Variants in SEC14L1 observed in about 807,000 individuals in gnomAD.
SEC14L1 encodes the protein SEC14-like protein 1.
A neutral mutation model predicts 85.3 loss-of-function variants in SEC14L1; 48 were observed. That is an observed-to-expected ratio of 0.56 (90% CI 0.45 to 0.72). The LOEUF (loss-of-function observed/expected upper bound fraction) is 0.72, where lower values mean the gene tolerates loss of function less well. SEC14L1 is among the 30% of genes least tolerant of loss of function. The probability of loss-of-function intolerance (pLI) is 0.00; values close to 1 mark genes in which losing one functional copy is unlikely to be tolerated. For synonymous variants in SEC14L1, 391 were observed against 355.5 expected, an observed-to-expected ratio of 1.10 and a Z score of -1.12; for missense variants, 682 against 921.4, an observed-to-expected ratio of 0.74 and a Z score of 3.36.
chr17:77,146,667 A>G (rs1973324726), intron 3 of SEC14L1, among the ~76,000 whole-genome samples: 1 of 150,642 alleles, frequency 6.6e-6, no homozygotes, highest in Middle Eastern at 3.2e-3. Flanking sequence ...TTGCCTCACC[A>G]GCTTCAGGAA....
intron 3 of SEC14L1, among the ~76,000 whole-genome samples, chr17:77,127,596 T>C (rs1050316094): frequency 2.0e-5 from 3 of 152,158 alleles, no homozygotes; most frequent in Admixed American, 6.5e-5. Context: ...GTAATCCACC[T>C]GCCTCAGCCT....
chr17:77,206,915 G>A lies in SEC14L1; in HGVS notation c.1476+53G>A. The A allele has an allele frequency of 2.8e-6, 4 of 1,438,976 alleles. No homozygotes were observed. The highest frequency in any genetic ancestry group is 3.2e-5 in the South Asian group (2 of 62,854). The allele number at this position is 1,438,976 out of a possible 1,614,324, so 89.1% of individuals were successfully genotyped here. A position where few individuals can be genotyped will look rare whatever the true frequency, so the allele number is the denominator to read the frequency against. On this transcript the variant is annotated intron_variant, in intron 13 of 16. Coordinates refer to ENST00000436233, the MANE Select transcript of SEC14L1 (RefSeq NM_001143998.2). The surrounding 1 kb of genome is among the most constrained non-coding windows in gnomAD (Gnocchi z 4.3). ...TTTGGCCCCTTATGCAGGTGGGAGA[G>A]GTCGGTGTCGATTTGCACAAATGAT... is the stretch of plus-strand genomic sequence containing the variant.
intron 3 of SEC14L1, among the ~76,000 whole-genome samples, chr17:77,132,842 C>G (rs1288381247): frequency 6.7e-6 from 1 of 148,370 alleles, no homozygotes; most frequent in Non-Finnish European, 1.5e-5. Context: ...AAACTATACC[C>G]CAATCCTCCT....
At chr17:77,095,128 G>A (rs1042541680) in intron 3 of SEC14L1, 1 of 152,234 alleles carries the variant, frequency 6.6e-6, no homozygotes, top group African/African-American at 2.4e-5. Context: ...TCCTCGAGGA[G>A]TTGGTTCAAT....
intron 3 of SEC14L1, among the ~76,000 whole-genome samples, chr17:77,187,327 T>C (rs1475718923): frequency 2.0e-5 from 3 of 152,070 alleles, no homozygotes; most frequent in African/African-American, 7.2e-5. Context: ...CTGGGTTTCC[T>C]TTTTCAGGTT....
rs1208867619 is a variant in SEC14L1 at position 77,196,296 on chromosome 17, G to C, written c.804G>C (p.Glu268Asp). ...TTAGACTTCGCCAGTGGCTCCAGGAGACCCACAAGGGCAAAGTGAGTGTCA... is the reference window on the plus strand; with the variant it reads ...TTAGACTTCGCCAGTGGCTCCAGGACACCCACAAGGGCAAAGTGAGTGTCA... Reference protein sequence around the residue: ...CLIRLRQWLQETHKGKIPKDE... With the variant: ...CLIRLRQWLQDTHKGKIPKDE... Residue 268 changes from glutamate to aspartate, a missense_variant, in exon 8 of 17, where the codon GAG becomes GAC. Physicochemically the swap from Glu to Asp is conservative, Grantham distance 45 (BLOSUM62 2). Coordinates refer to ENST00000436233, the MANE Select transcript of SEC14L1 (RefSeq NM_001143998.2). 5 of 1,612,590 alleles carry C rather than the reference G, an allele frequency of 3.1e-6. No homozygotes were observed.
intron 3 of SEC14L1, among the ~76,000 whole-genome samples, chr17:77,106,627 C>T (rs1971921194): frequency 6.6e-6 from 1 of 151,754 alleles, no homozygotes; most frequent in Non-Finnish European, 1.5e-5. Context: ...ATAGTGAAAG[C>T]CCATCTCTAC....
In SEC14L1 at chr17:77,143,751, C is replaced by T. The variant is rs2143518961; in HGVS notation, c.63+92C>T. The T allele has an allele frequency of 4.4e-6, 4 of 903,354 alleles. No individual in the cohort carries two copies. In the South Asian group the frequency reaches 6.0e-5, roughly 14 times the overall value. The allele number at this position is 903,354 out of a possible 1,614,324, so 56.0% of individuals were successfully genotyped here. A position where few individuals can be genotyped will look rare whatever the true frequency, so the allele number is the denominator to read the frequency against. ...TGATCTATAGATTTATTGTTCGTCTCCATGGCATCACTTGAACTTACTCTG... is the reference window on the plus strand; with the variant it reads ...TGATCTATAGATTTATTGTTCGTCTTCATGGCATCACTTGAACTTACTCTG... On this transcript the variant is annotated intron_variant, in intron 3 of 16. Transcript: ENST00000436233.
intron 8 of SEC14L1, among the ~76,000 whole-genome samples, chr17:77,199,713 G>A (rs1016147104): frequency 6.6e-6 from 1 of 152,092 alleles, no homozygotes; most frequent in Non-Finnish European, 1.5e-5. Context: ...TGATGTTTAG[G>A]GAATTATTTA....
intron 3 of SEC14L1, among the ~76,000 whole-genome samples, chr17:77,172,254 A>AG (rs1491513022): frequency 6.6e-6 from 1 of 152,184 alleles, no homozygotes; most frequent in African/African-American, 2.4e-5. Context: ...GGTAAAAAAA[A>AG]GAGTGGAGCC....
intron 3 of SEC14L1, among the ~76,000 whole-genome samples, chr17:77,102,962 C>T (rs931077399): frequency 5.9e-5 from 9 of 152,006 alleles, no homozygotes; most frequent in Admixed American, 1.3e-4. Context: ...TGCCACCATG[C>T]CTGGCTAATT....
intron 3 of SEC14L1, among the ~76,000 whole-genome samples, chr17:77,149,138 C>T (rs1267322249): frequency 6.6e-6 from 1 of 152,188 alleles, no homozygotes; most frequent in East Asian, 1.9e-4. Context: ...TCTCCCTTCC[C>T]CGGGACACAT....
intron 4 of SEC14L1, 103 bp from the exon 5 acceptor site, chr17:77,191,078 C>T (rs1339530912): frequency 6.6e-6 from 10 of 1,508,450 alleles, no homozygotes; most frequent in African/African-American, 4.1e-5. Flanking sequence ...AGGGAGAGGG[C>T]GTCCTGGAGG....
intron 5 of SEC14L1, among the ~76,000 whole-genome samples, chr17:77,193,041 C>T (rs1450506954): frequency 6.6e-6 from 1 of 152,194 alleles, no homozygotes; most frequent in Non-Finnish European, 1.5e-5. Context: ...TCCTTGCATA[C>T]TGTGTTTCTG....
At chr17:77,209,712 G>T (rs1976652510) in intron 14 of SEC14L1, 1 of 400,678 alleles carries the variant, frequency 2.5e-6, no homozygotes, top group African/African-American at 2.0e-5. Flanking sequence ...AAGGAAATTG[G>T]ATCTCTTGAC....
At chr17:77,146,250 G>C (rs1285188064) in intron 3 of SEC14L1, among the ~76,000 whole-genome samples, 1 of 152,170 alleles carries the variant, frequency 6.6e-6, no homozygotes, top group African/African-American at 2.4e-5. Context: ...CACGGCCCGG[G>C]GTGGACACAG....
At chr17:77,203,744 T>C in intron 10 of SEC14L1, 86 bp downstream of exon 10, 1 of 988,886 alleles carries the variant, frequency 1.0e-6, no homozygotes, top group Non-Finnish European at 1.5e-6. Flanking sequence ...AACCAGCCTG[T>C]TAGAACAAAC....
intron 2 of SEC14L1, chr17:77,089,515 TGTA>T (rs1308029221): frequency 9.8e-6 from 5 of 507,976 alleles, no homozygotes; most frequent in Non-Finnish European, 2.0e-5. Context: ...AGAAAATGGT[TGTA>T]GTTAGTATCA....
At chr17:77,187,080 T>C (rs1975298090) in intron 3 of SEC14L1, among the ~76,000 whole-genome samples, 1 of 152,094 alleles carries the variant, frequency 6.6e-6, no homozygotes, top group Admixed American at 6.5e-5. Context: ...AAGGAAATGC[T>C]CATTGGAGCA....
Sources: allele counts gnomAD v4.1 joint callset (sites outside exome capture counted in the v4.1 genomes callset), GRCh38; gene constraint gnomAD v4.1.1; non-coding constraint Gnocchi (gnomAD v3.1); transcripts MANE v1.5; gene names NCBI Gene and HGNC (gene_info 2026-07-23, HGNC 2026-07-21).